SETBP1: variants seen among roughly 807,000 people sequenced by gnomAD.
The protein encoded by SETBP1 is SET binding protein 1.
SETBP1 carries 9 observed loss-of-function variants against 101.0 expected under a neutral mutation model. The ratio of observed to expected loss-of-function variants is 0.09; its 90% CI spans 0.05 to 0.16. The LOEUF is 0.16. Among genes scored for constraint, SETBP1 ranks in the 10% least tolerant of loss-of-function variants. The pLI, the probability that SETBP1 is intolerant of heterozygous loss-of-function variation, is 1.00. For missense variants in SETBP1, 1,858 were observed against 2,033.8 expected (o/e 0.91, Z 1.66); for synonymous variants, 818 against 788.5 (o/e 1.04, Z -0.63).
chr18:44,868,395 A>G (rs72909554), intron 2 of SETBP1, among the ~76,000 whole-genome samples: 38 of 152,052 alleles, frequency 2.5e-4, no homozygotes, highest in Non-Finnish European at 4.4e-4. Context: ...TTGTTTGTTT[A>G]AAAAAGAAAG....
chr18:44,806,608 G>C (rs1489733007), intron 2 of SETBP1, among the ~76,000 whole-genome samples: 2 of 111,144 alleles, frequency 1.8e-5, no homozygotes, highest in East Asian at 5.4e-4. Flanking sequence ...GTAGACTTTG[G>C]CTCATAATGA....
At chr18:44,811,564 G>A (rs1001259305) in intron 2 of SETBP1, among the ~76,000 whole-genome samples, 2 of 152,224 alleles carry the variant, frequency 1.3e-5, no homozygotes, top group African/African-American at 2.4e-5. Context: ...CTGTACCTGC[G>A]TGGGTATGAA....
At chr18:44,773,565 T>G (rs761976646) in intron 2 of SETBP1, among the ~76,000 whole-genome samples, 4 of 152,200 alleles carry the variant, frequency 2.6e-5, no homozygotes, top group African/African-American at 9.7e-5. Flanking sequence ...AGAAACAAAC[T>G]GTCTTCTTGC....
rs749106189 is a variant in SETBP1 at position 44,952,876 on chromosome 18, C to T, written c.3536C>T (p.Thr1179Ile). Reference sequence around the variant, plus strand: ...AGTGGTCTTTTTGCAGGCAAAGCCACAGGCTTCTCCAGCCACATCCTGAGC... The same window carrying T: ...AGTGGTCTTTTTGCAGGCAAAGCCATAGGCTTCTCCAGCCACATCCTGAGC... The part of the protein sequence containing the change: ...NLSGLFAGKA[T>I]GFSSHILSER... The change falls in exon 4 of 6, where the codon ACA becomes ATA. Residue 1179 changes from threonine to isoleucine, a missense_variant. This residue lies in a region of SETBP1 where 417 missense variants were observed against 389.1 expected (regional missense o/e 1.07). Transcript: ENST00000649279. 3 of 1,614,044 alleles carry T rather than the reference C, an allele frequency of 1.9e-6. No individual in the cohort carries two copies. The South Asian group carries it at 3.3e-5, about 18-fold the overall frequency.
chr18:44,747,077 A>C (rs2070271673), intron 2 of SETBP1, among the ~76,000 whole-genome samples: 1 of 152,204 alleles, frequency 6.6e-6, no homozygotes, highest in Admixed American at 6.5e-5. Context: ...GCTGTGCTGC[A>C]AGCACTTAGG....
intron 2 of SETBP1, 50 bp from the exon 3 acceptor site, chr18:44,869,180 G>A: frequency 1.3e-6 from 2 of 1,530,416 alleles, no homozygotes; most frequent in South Asian, 1.1e-5. Context: ...TGGGGATACT[G>A]TATGCAAACT....
intron 1 of SETBP1, among the ~76,000 whole-genome samples, chr18:44,698,967 CT>C (rs1033792096): frequency 2.1e-4 from 32 of 151,938 alleles, no homozygotes; most frequent in Non-Finnish European, 3.4e-4. Context: ...TGAAGTGAAT[CT>C]TTTTTTAATG....
At chr18:44,874,985 G>A (rs2069363713) in intron 3 of SETBP1, among the ~76,000 whole-genome samples, 1 of 152,228 alleles carries the variant, frequency 6.6e-6, no homozygotes, top group African/African-American at 2.4e-5. Flanking sequence ...AGCAGCTGAT[G>A]TTTCAAGGAG....
chr18:44,915,813 A>G (rs896517720), intron 3 of SETBP1, among the ~76,000 whole-genome samples: 6 of 152,218 alleles, frequency 3.9e-5, no homozygotes, highest in African/African-American at 1.4e-4. Flanking sequence ...GATGACTGTT[A>G]TAATATGATC....
intron 3 of SETBP1, among the ~76,000 whole-genome samples, chr18:44,879,099 A>G (rs1212774589): frequency 6.6e-6 from 1 of 152,218 alleles, no homozygotes; most frequent in Admixed American, 6.5e-5. Context: ...CAAGCCAATG[A>G]TACATGGAGG....
chr18:44,947,038 C>T (rs2071222966), intron 3 of SETBP1, among the ~76,000 whole-genome samples: 1 of 152,124 alleles, frequency 6.6e-6, no homozygotes, highest in Non-Finnish European at 1.5e-5. Context: ...TTATTGAGTG[C>T]CTACTGTGTG....
chr18:44,707,486 C>T (rs1181138265), intron 2 of SETBP1, among the ~76,000 whole-genome samples: 2 of 152,190 alleles, frequency 1.3e-5, no homozygotes, highest in Non-Finnish European at 2.9e-5. Flanking sequence ...CCTCCTGTTG[C>T]AAGGACTTCA....
chr18:45,053,931 A>G (rs186338193), intron 5 of SETBP1, among the ~76,000 whole-genome samples: 3 of 152,226 alleles, frequency 2.0e-5, no homozygotes, highest in Non-Finnish European at 2.9e-5. Flanking sequence ...GCCCTTTGAG[A>G]GGGTGCAACC....
intron 4 of SETBP1, among the ~76,000 whole-genome samples, chr18:44,985,315 G>A (rs1421217319): frequency 6.6e-6 from 1 of 152,142 alleles, no homozygotes; most frequent in Non-Finnish European, 1.5e-5. Flanking sequence ...TAAGCAGTAG[G>A]TACTATTGTT....
At chr18:44,998,728 C>T (rs1448349991) in intron 4 of SETBP1, among the ~76,000 whole-genome samples, 3 of 152,130 alleles carry the variant, frequency 2.0e-5, no homozygotes, top group Admixed American at 6.5e-5. Context: ...AGGTTGGATA[C>T]GGGGAAGTAA....
intron 2 of SETBP1, among the ~76,000 whole-genome samples, chr18:44,775,180 T>C (rs1017104999): frequency 4.6e-5 from 7 of 152,180 alleles, no homozygotes; most frequent in African/African-American, 1.2e-4. Context: ...TCATGGCTCA[T>C]TGATTCAAAA....
intron 3 of SETBP1, among the ~76,000 whole-genome samples, chr18:44,949,295 A>G (rs2071281821): frequency 6.6e-6 from 1 of 152,192 alleles, no homozygotes; most frequent in Non-Finnish European, 1.5e-5. Context: ...GTTCCTGATG[A>G]GCTACTTGTA....
At chr18:44,857,214 T>C (rs1333418405) in intron 2 of SETBP1, among the ~76,000 whole-genome samples, 2 of 152,222 alleles carry the variant, frequency 1.3e-5, no homozygotes, top group Admixed American at 6.5e-5. Context: ...TTCCTAGAGA[T>C]ACAGATAGGC....
At chr18:44,802,851 C>T (rs1344267635) in intron 2 of SETBP1, among the ~76,000 whole-genome samples, 1 of 152,118 alleles carries the variant, frequency 6.6e-6, no homozygotes, top group African/African-American at 2.4e-5. Context: ...GTATGCACGT[C>T]GGTAACCTGC....
Sources: allele counts gnomAD v4.1 joint callset (sites outside exome capture counted in the v4.1 genomes callset), GRCh38; gene constraint gnomAD v4.1.1; regional missense constraint gnomAD v4.1.1; transcripts MANE v1.5; gene names NCBI Gene and HGNC (gene_info 2026-07-23, HGNC 2026-07-21).